The following FGD6 variants were observed in gnomAD, a reference collection of about 807,000 sequenced individuals.
The protein encoded by FGD6 is FYVE, RhoGEF and PH domain-containing protein 6.
Under a neutral mutation model 149.4 loss-of-function variants are expected in FGD6, and 90 were observed. The observed-to-expected ratio is 0.60, with a 90% CI of 0.51 to 0.72. The LOEUF is 0.72. FGD6 is among the 30% of genes least tolerant of loss of function. The pLI, the probability that FGD6 is intolerant of heterozygous loss-of-function variation, is 0.00. For missense variants in FGD6, 1,437 were observed against 1,684.8 expected (o/e 0.85, Z 2.57); for synonymous variants, 527 against 584.0 (o/e 0.90, Z 1.41).
intron 20 of FGD6, among the ~76,000 whole-genome samples, chr12:95,082,995 A>T: frequency 1.8e-5 from 1 of 55,636 alleles, no homozygotes; most frequent in Non-Finnish European, 3.6e-5. Flanking sequence ...AAAAAAAAAA[A>T]AAAAAAAAAA....
intron 8 of FGD6, among the ~76,000 whole-genome samples, chr12:95,124,303 C>T (rs902386380): frequency 1.3e-5 from 2 of 152,102 alleles, no homozygotes. Context: ...TTGGCACAGT[C>T]GAGCCACACT....
chr12:95,152,607 A>C (rs939208127), intron 5 of FGD6, among the ~76,000 whole-genome samples: 2 of 152,250 alleles, frequency 1.3e-5, no homozygotes, highest in Non-Finnish European at 2.9e-5. Flanking sequence ...TCACCTTCAA[A>C]ACTGTTATGA....
At chr12:95,121,479 A>ATATATATG (rs1390223384) in intron 8 of FGD6, among the ~76,000 whole-genome samples, 4 of 53,350 alleles carry the variant, frequency 7.5e-5, no homozygotes, top group African/African-American at 1.7e-4. Context: ...ATATATATAT[A>ATATATATG]TGTATATATA....
intron 8 of FGD6, among the ~76,000 whole-genome samples, chr12:95,118,599 T>G (rs1241176585): frequency 2.0e-5 from 3 of 152,152 alleles, no homozygotes; most frequent in Non-Finnish European, 2.9e-5. Flanking sequence ...TCCTGGACCG[T>G]GCACTGAGAA....
At position 95,209,259 on chromosome 12, in the gene FGD6, T is replaced by G. The variant is rs2056709659; in HGVS notation, c.2025A>C (p.Gln675His). Reference sequence around the variant, plus strand: ...TCTTCTCCTCTCCTACCAACAAGCCTTGCCAATCACTTTCAATCCCCTTCT... The same window carrying G: ...TCTTCTCCTCTCCTACCAACAAGCCGTGCCAATCACTTTCAATCCCCTTCT... ...GEQKGIESDW[Q>H]GLLVGEEKRS... The change falls in exon 2 of 21, where the codon CAA becomes CAC. Residue 675 changes from glutamine to histidine, a missense_variant. Gln to His is a conservative substitution (Grantham distance 24). Transcript: ENST00000343958. The G allele has an allele frequency of 6.2e-7, 1 of 1,614,056 alleles. No individual in the cohort carries two copies. The highest frequency in any genetic ancestry group is 1.7e-5 in the Admixed American group (1 of 59,992).
intron 3 of FGD6, among the ~76,000 whole-genome samples, chr12:95,155,980 C>T (rs12228622): frequency 0.086 from 13,106 of 152,214 alleles, 694 homozygotes; most frequent in East Asian, 0.25. Flanking sequence ...TATCACTTCC[C>T]CAGTCAATAC....
chr12:95,207,912 A>T (rs1218512182), intron 2 of FGD6, among the ~76,000 whole-genome samples: 2 of 152,180 alleles, frequency 1.3e-5, no homozygotes, highest in African/African-American at 4.8e-5. Context: ...GATTTTAATA[A>T]GAGAGATGGA....
At chr12:95,132,303 C>T (rs148359355) in intron 8 of FGD6, among the ~76,000 whole-genome samples, 188 of 152,236 alleles carry the variant, frequency 1.2e-3, no homozygotes, top group African/African-American at 4.2e-3. Flanking sequence ...GCATAAGCCA[C>T]TACACCTAGT....
Position 95,194,726 on chromosome 12 carries a change from G to A in FGD6, c.2441+14117C>T, listed in dbSNP as rs1051697155. On this transcript the variant is annotated intron_variant, in intron 2 of 20. Coordinates refer to ENST00000343958, the MANE Select transcript of FGD6 (RefSeq NM_018351.4). Reference sequence around the variant, plus strand: ...ATTATATAGAATTAAATACACATGTGAGTACAAGTAAAAACGGGGGGAATC... The same window carrying A: ...ATTATATAGAATTAAATACACATGTAAGTACAAGTAAAAACGGGGGGAATC... 3.3e-5 allele frequency among the ~76,000 whole-genome samples: 5 copies of A among 152,270 alleles called. No homozygotes were observed. In the East Asian group the frequency reaches 7.7e-4, roughly 23 times the overall value.
chr12:95,180,018 C>T (rs952702924), intron 2 of FGD6, among the ~76,000 whole-genome samples: 6 of 148,868 alleles, frequency 4.0e-5, no homozygotes, highest in Admixed American at 1.4e-4. Flanking sequence ...GCCAAGGTTG[C>T]GGTCAGCTGA....
In FGD6 at chr12:95,217,237, T is replaced by C; in HGVS notation, c.4A>G (p.Thr2Ala). 1 of 1,611,918 alleles carries C rather than the reference T, an allele frequency of 6.2e-7. No individual in the cohort carries two copies. Among genetic ancestry groups the C allele is most frequent in the East Asian group, 2.2e-5 (1 of 44,620 alleles). Residue 2 changes from threonine to alanine, a missense_variant, in exon 1 of 21, where the codon ACT becomes GCT. This residue lies in a region of FGD6 where 1,055 missense variants were observed against 1,146.0 expected (regional missense o/e 0.92). Coordinates refer to ENST00000343958, the MANE Select transcript of FGD6 (RefSeq NM_018351.4). M[T>A]SAAEIKKPPV... ...CGCCGTCACTTACCGGCTGCAGAAG[T>C]CATGATTCCCCGGTGCAGCTCGCTT...
chr12:95,084,728 C>G (rs1877802399), intron 19 of FGD6, 82 bp from the exon 20 acceptor site: 1 of 1,129,904 alleles, frequency 8.9e-7, no homozygotes, highest in Non-Finnish European at 1.2e-6. Flanking sequence ...CTACATAGCT[C>G]TAATTTAATT....
chr12:95,082,382 G>A (rs374158499), intron 20 of FGD6, among the ~76,000 whole-genome samples: 1 of 131,696 alleles, frequency 7.6e-6, no homozygotes, highest in Non-Finnish European at 1.7e-5. Flanking sequence ...TCTCGGCTGG[G>A]CGCCGTGGCT....
chr12:95,152,135 G>A lies in FGD6; in HGVS notation c.2685+676C>T, dbSNP rs985617779. Among the ~76,000 whole-genome samples, 4 of 152,012 alleles carry A rather than the reference G, an allele frequency of 2.6e-5. No individual in the cohort carries two copies. The East Asian group carries it at 7.7e-4, about 29-fold the overall frequency. ...GAGCCCATGAGTTTGAGATCAGCCC[G>A]GGTAACATGTTGAAACCCCATCTCT... On this transcript the variant is annotated intron_variant, in intron 5 of 20. Transcript: ENST00000343958.
intron 6 of FGD6, among the ~76,000 whole-genome samples, chr12:95,140,902 G>GC (rs1427714196): frequency 6.6e-6 from 1 of 152,042 alleles, no homozygotes; most frequent in African/African-American, 2.4e-5. Context: ...AGCTTGGTGT[G>GC]CCAAGGTTGT....
chr12:95,138,246 A>AAATAAATAAATAAATAAATAACTC (rs796444898), intron 6 of FGD6, among the ~76,000 whole-genome samples: 6 of 143,776 alleles, frequency 4.2e-5, no homozygotes, highest in Admixed American at 2.9e-4. Flanking sequence ...ATAAATAAAT[A>AAATAAATAAATAAATAAATAACTC]ACTCACTCAC....
chr12:95,176,932 A>C (rs1402966482), intron 2 of FGD6, among the ~76,000 whole-genome samples: 1 of 152,106 alleles, frequency 6.6e-6, no homozygotes, highest in Non-Finnish European at 1.5e-5. Flanking sequence ...AGTTCAAGCG[A>C]TTCTCCCATC....
chr12:95,143,969 C>T (rs1017383253), intron 5 of FGD6, among the ~76,000 whole-genome samples: 3 of 152,054 alleles, frequency 2.0e-5, no homozygotes, highest in African/African-American at 7.2e-5. Flanking sequence ...TTTTGTTTCC[C>T]AGTTGGAAGG....
chr12:95,162,214 CTATGATAAA>C (rs1880665197), intron 3 of FGD6, among the ~76,000 whole-genome samples: 1 of 151,412 alleles, frequency 6.6e-6, no homozygotes, highest in South Asian at 2.1e-4. Flanking sequence ...CTGCAGGGGA[CTATGATAAA>C]TAAGAATAGC....
Sources: gnomAD v4.1 joint callset for allele counts (sites outside exome capture counted in the v4.1 genomes callset) on GRCh38, gnomAD v4.1.1 for gene constraint, gnomAD v4.1.1 regional missense constraint, MANE v1.5 for transcripts, NCBI Gene and HGNC (gene_info 2026-07-23, HGNC 2026-07-21) for gene names.